Variants in SSBP3 observed in about 807,000 individuals in gnomAD.
SSBP3 encodes single-stranded DNA-binding protein 3.
SSBP3 carries 5 observed loss-of-function variants against 69.6 expected under a neutral mutation model. That is an observed-to-expected ratio of 0.07 (90% CI 0.04 to 0.15). The LOEUF (loss-of-function observed/expected upper bound fraction) is 0.15. SSBP3 is among the 10% of genes least tolerant of loss of function. The probability of loss-of-function intolerance (pLI) is 1.00; values close to 1 mark genes in which losing one functional copy is unlikely to be tolerated. For synonymous variants in SSBP3, 196 were observed against 193.4 expected, an observed-to-expected ratio of 1.01 and a Z score of -0.11; for missense variants, 312 against 534.0, an observed-to-expected ratio of 0.58 and a Z score of 4.10.
At chr1:54,323,253 A>G (rs1012681620) in intron 4 of SSBP3, among the ~76,000 whole-genome samples, 4 of 152,170 alleles carry the variant, frequency 2.6e-5, no homozygotes, top group African/African-American at 4.8e-5. Flanking sequence ...CCAGGGCTTA[A>G]TCAGTGTTGT....
At chr1:54,411,232 C>T (rs1224834994), upstream of SSBP3, among the ~76,000 whole-genome samples, 1 of 152,170 alleles carries the variant, frequency 6.6e-6, no homozygotes, top group African/African-American at 2.4e-5. Flanking sequence ...GTAATCTCAG[C>T]ACTTTGGGCT....
At chr1:54,372,785 CCT>C (rs928183406) in intron 4 of SSBP3, among the ~76,000 whole-genome samples, 6 of 152,180 alleles carry the variant, frequency 3.9e-5, no homozygotes, top group Non-Finnish European at 8.8e-5. Flanking sequence ...TACCCTGTCC[CCT>C]CTTTTATGAA....
At chr1:54,394,789 G>A (rs969977110) in intron 4 of SSBP3, among the ~76,000 whole-genome samples, 27 of 132,220 alleles carry the variant, frequency 2.0e-4, no homozygotes, top group African/African-American at 5.1e-4. Context: ...TGCAACCTCC[G>A]CCTCCTGGGT....
chr1:54,389,543 A>C (rs1372747971), intron 4 of SSBP3, among the ~76,000 whole-genome samples: 2 of 152,098 alleles, frequency 1.3e-5, no homozygotes, highest in Non-Finnish European at 2.9e-5. Flanking sequence ...GCAGGGGGTC[A>C]TCAATTAATG....
chr1:54,245,875 C>G (rs1361932322), intron 9 of SSBP3, among the ~76,000 whole-genome samples: 1 of 152,246 alleles, frequency 6.6e-6, no homozygotes, highest in Non-Finnish European at 1.5e-5. Context: ...AGTGCTTATT[C>G]CATGCCCACA....
chr1:54,395,822 G>T (rs143513554), intron 4 of SSBP3, among the ~76,000 whole-genome samples: 146 of 152,146 alleles, frequency 9.6e-4, no homozygotes, highest in African/African-American at 3.4e-3. Context: ...AAAATCCAGA[G>T]GATTCAAAAC....
At chr1:54,325,687 T>C (rs142215499) in intron 4 of SSBP3, among the ~76,000 whole-genome samples, 29 of 152,356 alleles carry the variant, frequency 1.9e-4, no homozygotes, top group African/African-American at 7.0e-4. Context: ...TTTTGCCTAT[T>C]GCTCTCTTTA....
At chr1:54,225,436 G>GA in exon 18 of SSBP3, 6 of 1,227,600 alleles carry the variant, frequency 4.9e-6, no homozygotes, top group Non-Finnish European at 6.1e-6. Flanking sequence ...AAGGGCTGCG[G>GA]AAAAAAGATG....
chr1:54,324,330 C>G (rs1247292590), intron 4 of SSBP3, among the ~76,000 whole-genome samples: 1 of 152,226 alleles, frequency 6.6e-6, no homozygotes, highest in Non-Finnish European at 1.5e-5. Context: ...CCCTTCCAGA[C>G]AGTCCTTGGC....
chr1:54,341,711 G>GGA (rs1553142114), intron 4 of SSBP3, among the ~76,000 whole-genome samples: 3 of 139,984 alleles, frequency 2.1e-5, no homozygotes, highest in Admixed American at 7.1e-5. Context: ...TATAATGATT[G>GGA]AAAAAAAAAA....
intron 4 of SSBP3, among the ~76,000 whole-genome samples, chr1:54,302,338 G>A (rs1202181354): frequency 7.3e-6 from 1 of 136,094 alleles, no homozygotes; most frequent in African/African-American, 3.0e-5. Flanking sequence ...TTTTTTTCCT[G>A]AGAAGGAGTT....
chr1:54,316,594 T>C (rs1478574105), intron 4 of SSBP3, among the ~76,000 whole-genome samples: 4 of 142,556 alleles, frequency 2.8e-5, no homozygotes, highest in Admixed American at 1.4e-4. Context: ...TGAGCCGAGA[T>C]TGCGCCACTG....
At chr1:54,398,361 C>A (rs1451558754) in intron 4 of SSBP3, among the ~76,000 whole-genome samples, 10 of 152,236 alleles carry the variant, frequency 6.6e-5, no homozygotes, top group Admixed American at 6.5e-4. Context: ...CCACTCATTT[C>A]TTGGCCTTCC....
intron 4 of SSBP3, among the ~76,000 whole-genome samples, chr1:54,395,301 A>C (rs1354865723): frequency 6.6e-6 from 1 of 152,178 alleles, no homozygotes; most frequent in East Asian, 1.9e-4. Flanking sequence ...CAGTAAAGAG[A>C]TGGACCTTGA....
chr1:54,287,367 G>A (rs923887082), intron 4 of SSBP3: 3 of 152,220 alleles, frequency 2.0e-5, no homozygotes, highest in Admixed American at 1.3e-4. Flanking sequence ...ATGTGCAGAC[G>A]ACTTCCTTGA....
chr1:54,376,466 C>CG (rs1557576423), intron 4 of SSBP3, among the ~76,000 whole-genome samples: 1 of 152,180 alleles, frequency 6.6e-6, no homozygotes, highest in African/African-American at 2.4e-5. Context: ...TAACAAGACA[C>CG]GCTGCCTGCT....
intron 7 of SSBP3, 62 bp from the exon 8 acceptor site, chr1:54,251,922 G>A: frequency 2.8e-6 from 4 of 1,417,338 alleles, no homozygotes; most frequent in Non-Finnish European, 4.0e-6. Flanking sequence ...ATGGGGACAG[G>A]CATCTACCTG....
At chr1:54,236,797 T>C (rs1169697548) in intron 14 of SSBP3, 1 of 152,230 alleles carries the variant, frequency 6.6e-6, no homozygotes, top group Non-Finnish European at 1.5e-5. Context: ...TTTGGCATGT[T>C]TTGAGGAAAC....
chr1:54,256,419 C>T (rs1033895513), intron 7 of SSBP3, among the ~76,000 whole-genome samples: 1 of 152,220 alleles, frequency 6.6e-6, no homozygotes, highest in Non-Finnish European at 1.5e-5. Context: ...TGCAACTCCT[C>T]TCCTGCCCTG....
Sources: gnomAD v4.1 joint callset for allele counts (sites outside exome capture counted in the v4.1 genomes callset) on GRCh38, gnomAD v4.1.1 for gene constraint, MANE v1.5 for transcripts, NCBI Gene and HGNC (gene_info 2026-07-23, HGNC 2026-07-21) for gene names.